The following NAALADL2 variants were observed in gnomAD, a reference collection of about 807,000 sequenced individuals.
The protein encoded by NAALADL2 is inactive N-acetylated-alpha-linked acidic dipeptidase-like protein 2.
In NAALADL2, 76 loss-of-function variants were observed where a neutral mutation model predicts 87.2. The observed-to-expected ratio is 0.87, with a 90% CI of 0.72 to 1.05. NAALADL2 has a LOEUF of 1.05. NAALADL2 is among the 50% of genes least tolerant of loss of function. The probability of loss-of-function intolerance (pLI) is 0.00; values close to 1 mark genes in which losing one functional copy is unlikely to be tolerated. For synonymous variants in NAALADL2, 354 were observed against 331.0 expected (o/e 1.07, Z -0.75); for missense variants, 1,089 against 945.8 (o/e 1.15, Z -1.99).
At chr3:175,615,375 T>C (rs954329048) in intron 10 of NAALADL2, among the ~76,000 whole-genome samples, 2 of 152,166 alleles carry the variant, frequency 1.3e-5, no homozygotes, top group Non-Finnish European at 2.9e-5. Flanking sequence ...AATTGTTTGA[T>C]GAATAAATAG....
chr3:175,742,778 G>A (rs11712580), intron 12 of NAALADL2, among the ~76,000 whole-genome samples: 37,365 of 152,048 alleles, frequency 0.25, 5,009 homozygotes, highest in African/African-American at 0.34. Flanking sequence ...GTATTTTTAT[G>A]CTAAGTTTGA....
intron 11 of NAALADL2, among the ~76,000 whole-genome samples, chr3:175,671,959 G>A (rs1432278371): frequency 6.6e-6 from 1 of 151,974 alleles, no homozygotes; most frequent in Non-Finnish European, 1.5e-5. Flanking sequence ...ATACAATTAT[G>A]TTGTATTAAT....
At chr3:174,599,450 T>A (rs1028333887) in intron 2 of NAALADL2, among the ~76,000 whole-genome samples, 7 of 152,068 alleles carry the variant, frequency 4.6e-5, no homozygotes, top group Non-Finnish European at 8.8e-5. Flanking sequence ...GACATAAATA[T>A]GGGAAGGGTG....
At chr3:175,451,229 A>G (rs1438637738) in intron 6 of NAALADL2, among the ~76,000 whole-genome samples, 1 of 152,162 alleles carries the variant, frequency 6.6e-6, no homozygotes, top group African/African-American at 2.4e-5. Context: ...GATACAAATC[A>G]TAACACTTAA....
chr3:174,964,398 A>G (rs566372750), intron 1 of NAALADL2, among the ~76,000 whole-genome samples: 1 of 152,256 alleles, frequency 6.6e-6, no homozygotes, highest in African/African-American at 2.4e-5. Context: ...GGGAGAGATC[A>G]GGACAGAAGA....
chr3:175,218,061 TGGC>T, intron 2 of NAALADL2: 1 of 425,886 alleles, frequency 2.3e-6, no homozygotes, highest in Non-Finnish European at 4.7e-6. Flanking sequence ...TGTTTTTTTT[TGGC>T]TAAATTTTTA....
In NAALADL2 at chr3:174,761,516, A is replaced by G. The variant is rs1051126934; in HGVS notation, c.-9+23770A>G. Among the ~76,000 whole-genome samples the G allele has an allele frequency of 5.3e-5, 8 of 152,332 alleles. No individual in the cohort carries two copies. In the South Asian group the frequency reaches 1.4e-3, roughly 28 times the overall value. On this transcript the variant is annotated intron_variant, in intron 3 of 3. Coordinates refer to the NAALADL2 transcript ENST00000434257. The stretch of plus-strand genomic sequence containing the variant: ...TTCAGGAACGTAGATGACTTAGATT[A>G]TCTGTGTAAATGGTCATATGTATTA...
chr3:174,612,504 G>A (rs1358322218), intron 2 of NAALADL2, among the ~76,000 whole-genome samples: 1 of 151,610 alleles, frequency 6.6e-6, no homozygotes, highest in Non-Finnish European at 1.5e-5. Flanking sequence ...TGTCTTCTCT[G>A]TGTATTTCCA....
At chr3:175,101,130 T>C (rs1238640712) in intron 2 of NAALADL2, among the ~76,000 whole-genome samples, 1 of 152,200 alleles carries the variant, frequency 6.6e-6, no homozygotes, top group East Asian at 1.9e-4. Flanking sequence ...TGAGAATTCA[T>C]CCTGAGTAAA....
chr3:175,014,090 A>G (rs941791154), intron 1 of NAALADL2, among the ~76,000 whole-genome samples: 6 of 152,148 alleles, frequency 3.9e-5, no homozygotes, highest in South Asian at 2.1e-4. Flanking sequence ...AGGGCTGTAC[A>G]TGATTACAAA....
At chr3:174,667,687 G>A (rs774749820) in intron 2 of NAALADL2, among the ~76,000 whole-genome samples, 20 of 151,874 alleles carry the variant, frequency 1.3e-4, no homozygotes, top group Non-Finnish European at 2.5e-4. Context: ...CCTGGTGGGT[G>A]AGAGTTCTGC....
chr3:174,544,567 C>A (rs112300155), intron 1 of NAALADL2, among the ~76,000 whole-genome samples: 6 of 115,168 alleles, frequency 5.2e-5, no homozygotes, highest in African/African-American at 1.7e-4. Context: ...TTTTTGTTTT[C>A]TTTTTTTTTT....
chr3:174,886,874 T>C (rs1730221648), intron 1 of NAALADL2, among the ~76,000 whole-genome samples: 1 of 152,226 alleles, frequency 6.6e-6, no homozygotes, highest in African/African-American at 2.4e-5. Context: ...TTCATTTCTA[T>C]TGGGTCCTTT....
intron 1 of NAALADL2, among the ~76,000 whole-genome samples, chr3:174,882,739 G>A (rs561288986): frequency 6.8e-6 from 1 of 146,322 alleles, no homozygotes; most frequent in East Asian, 2.1e-4. Flanking sequence ...GTGTATCTAT[G>A]TGTATATACA....
In NAALADL2 at chr3:175,324,341, A is replaced by G; in HGVS notation, c.1090+16A>G. On this transcript the variant is annotated intron_variant, in intron 5 of 13. Transcript: ENST00000454872. Reference sequence around the variant, plus strand: ...CCAAGTGTCGGTAAGTTTGTTGGTCATCATTATTATACTTGTAAGTAAGCA... The same window carrying G: ...CCAAGTGTCGGTAAGTTTGTTGGTCGTCATTATTATACTTGTAAGTAAGCA... 2 of 1,606,146 alleles carry G rather than the reference A, an allele frequency of 1.2e-6. No homozygotes were observed. Among genetic ancestry groups the G allele is most frequent in the South Asian group, 1.1e-5 (1 of 89,644 alleles).
chr3:175,125,052 A>G (rs58608649), intron 2 of NAALADL2, among the ~76,000 whole-genome samples: 91,552 of 151,520 alleles, frequency 0.6, 28,160 homozygotes, highest in African/African-American at 0.73. Flanking sequence ...GGAACACTCT[A>G]TGGTGATGGA....
rs78247402 is a variant in NAALADL2, at chr3:175,404,125, A to G, written c.1091-43104A>G. ...CCAAGCTGAATTATATAAAGCCACAATTTCTCACAGTTATCTATGATCCAC... is the reference window on the plus strand; with the variant it reads ...CCAAGCTGAATTATATAAAGCCACAGTTTCTCACAGTTATCTATGATCCAC... On this transcript the variant is annotated intron_variant, in intron 5 of 13. Coordinates refer to ENST00000454872, the MANE Select transcript of NAALADL2 (RefSeq NM_207015.3). Among the ~76,000 whole-genome samples, 1,414 of 152,166 alleles carry G rather than the reference A, an allele frequency of 9.3e-3. 14 individuals are homozygous for G. Among genetic ancestry groups the G allele is most frequent in the Admixed American group, 0.024 (374 of 15,274 alleles).
chr3:175,013,048 C>T (rs9854258), intron 1 of NAALADL2, among the ~76,000 whole-genome samples: 16,299 of 31,622 alleles, frequency 0.52, 4,471 homozygotes, highest in African/African-American at 0.79. Context: ...ATAATATATA[C>T]ATAAATATAT....
chr3:175,205,800 A>T (rs1022835326), intron 2 of NAALADL2, among the ~76,000 whole-genome samples: 2 of 151,934 alleles, frequency 1.3e-5, no homozygotes, highest in African/African-American at 4.8e-5. Flanking sequence ...GTGAATAGAC[A>T]ATTCTCAAAA....
Sources: allele counts gnomAD v4.1 joint callset (sites outside exome capture counted in the v4.1 genomes callset), GRCh38; gene constraint gnomAD v4.1.1; transcripts MANE v1.5; gene names NCBI Gene and HGNC (gene_info 2026-07-23, HGNC 2026-07-21).